LYST: variants seen among roughly 807,000 people sequenced by gnomAD.
LYST encodes lysosomal trafficking regulator.
Under a neutral mutation model 413.6 loss-of-function variants are expected in LYST, and 192 were observed. The observed-to-expected ratio is 0.46, with a 90% CI of 0.41 to 0.52. The LOEUF is 0.52. Ranked by LOEUF, LYST falls within the 20% of genes least tolerant of loss-of-function variation. LYST has a pLI of 0.00. For synonymous variants in LYST, 1,525 were observed against 1,567.3 expected, an observed-to-expected ratio of 0.97 and a Z score of 0.64; for missense variants, 3,815 against 4,499.9, an observed-to-expected ratio of 0.85 and a Z score of 4.35.
intron 38 of LYST, among the ~76,000 whole-genome samples, chr1:235,724,633 T>C (rs1663687312): frequency 6.9e-6 from 1 of 144,228 alleles, no homozygotes; most frequent in Non-Finnish European, 1.5e-5. Flanking sequence ...ATCCACCAAA[T>C]AGTTTTATTG....
intron 25 of LYST, among the ~76,000 whole-genome samples, chr1:235,754,229 C>CTTTTTTTTTTTTTTTTTTTT (rs71576486): frequency 2.3e-5 from 2 of 86,550 alleles, no homozygotes; most frequent in Non-Finnish European, 5.2e-5. Flanking sequence ...CTTTTCTTTT[C>CTTTTTTTTTTTTTTTTTTTT]TTTTTTTTTT....
At chr1:235,677,282 G>A (rs1659454579) in intron 49 of LYST, 94 bp from the exon 50 acceptor site, 1 of 1,109,368 alleles carries the variant, frequency 9.0e-7, no homozygotes. Context: ...TGTACCTATT[G>A]TACATAAGGC....
chr1:235,816,125 T>G (rs1572355401), intron 3 of LYST, among the ~76,000 whole-genome samples: 3 of 28,114 alleles, frequency 1.1e-4, no homozygotes, highest in African/African-American at 1.4e-4. Flanking sequence ...TGAGACTCCA[T>G]CTCAAAAAAA....
chr1:235,759,672 T>C (rs1458300219), intron 22 of LYST, 73 bp from the exon 23 acceptor site: 3 of 1,152,938 alleles, frequency 2.6e-6, no homozygotes, highest in Non-Finnish European at 3.9e-6. Context: ...GCATTATAAA[T>C]CACAACCACA....
At chr1:235,736,407 T>C (rs1422693714) in intron 31 of LYST, 1 of 152,038 alleles carries the variant, frequency 6.6e-6, no homozygotes, top group Admixed American at 6.5e-5. Flanking sequence ...AATGAATGGA[T>C]AGAATGAGGA....
rs747082361 is a variant in LYST, at chr1:235,809,684, T to C, written c.1134A>G (p.Gln378=). ...EKQPDPFAPR[Q]KKTLQEVQED... ...CCTGAACCTCCTGCAGTGTTTTCTT[T>C]TGTCTTGGTGCAAAAGGGTCAGGCT... Residue 378 remains glutamine, a synonymous_variant, in exon 5 of 53, where the codon CAA becomes CAG. Transcript: ENST00000389793. This position sits in a 1 kb window ranked among gnomAD's most constrained non-coding sequence, Gnocchi z 4.0. 4 of 1,613,794 alleles carry C rather than the reference T, an allele frequency of 2.5e-6. No homozygotes were observed. The Admixed American group carries it at 5.0e-5, about 20-fold the overall frequency.
At chr1:235,868,023 C>T (rs951750501), upstream of LYST, among the ~76,000 whole-genome samples, 4 of 152,164 alleles carry the variant, frequency 2.6e-5, no homozygotes, top group African/African-American at 9.7e-5. Context: ...CGTTAAGTTG[C>T]CCACTGATGT....
At chr1:235,726,500 TG>T (rs1056905671) in intron 38 of LYST, among the ~76,000 whole-genome samples, 21 of 150,474 alleles carry the variant, frequency 1.4e-4, no homozygotes, top group Admixed American at 1.1e-3. Flanking sequence ...GAAATACATC[TG>T]TATGGGTCAA....
intron 13 of LYST, among the ~76,000 whole-genome samples, chr1:235,788,236 T>A (rs985751977): frequency 6.6e-6 from 1 of 152,208 alleles, no homozygotes; most frequent in African/African-American, 2.4e-5. Flanking sequence ...CTGGGATCAC[T>A]ACAACCTCTG....
At chr1:235,724,932 C>T (rs1663718286) in intron 38 of LYST, among the ~76,000 whole-genome samples, 1 of 152,214 alleles carries the variant, frequency 6.6e-6, no homozygotes, top group Admixed American at 6.5e-5. Flanking sequence ...TCTGGTTGCT[C>T]TGTTGTATGT....
At chr1:235,666,640 C>T (rs1353844808) in intron 50 of LYST, among the ~76,000 whole-genome samples, 1 of 113,004 alleles carries the variant, frequency 8.8e-6, no homozygotes, top group Admixed American at 8.5e-5. Context: ...ACACACATGC[C>T]CAATGTTCTA....
chr1:235,738,021 C>A (rs781105378), intron 31 of LYST: 18 of 1,535,246 alleles, frequency 1.2e-5, no homozygotes, highest in Non-Finnish European at 1.6e-5. Context: ...CAAGGATCAG[C>A]TTATTCACAG....
At chr1:235,815,761 A>G (rs577607440) in intron 3 of LYST, among the ~76,000 whole-genome samples, 1 of 152,350 alleles carries the variant, frequency 6.6e-6, no homozygotes, top group South Asian at 2.1e-4. Flanking sequence ...GAGAATTACA[A>G]AACATTGCTG....
At position 235,787,308 on chromosome 1, in the gene LYST, T is replaced by C. The variant is rs1294381222; in HGVS notation, c.4754A>G (p.Asn1585Ser). 3.7e-6 allele frequency: 6 copies of C among 1,613,590 alleles called. No homozygotes were observed. The highest frequency in any genetic ancestry group is 1.7e-5 in the Admixed American group (1 of 59,986). ...VLLAQVESQE[N>S]IFLPSKWQHL... ...TTGCCATTTGCTTGGGAGGAAAATA[T>C]TCTCCTGTGATTCAACCTGTGCTAG... Residue 1585 changes from asparagine (N) to serine (S), a missense_variant, in exon 14 of 53, where the codon AAT (asparagine) becomes AGT (serine). Around this residue, in one of 4 missense-constraint regions of LYST, gnomAD observed 530 missense variants for 696.5 expected, o/e 0.76. Transcript: ENST00000389793.
chr1:235,754,713 A>G (rs1253136865), intron 25 of LYST, among the ~76,000 whole-genome samples: 1 of 152,192 alleles, frequency 6.6e-6, no homozygotes, highest in African/African-American at 2.4e-5. Context: ...AATTACTTTT[A>G]GCAGATTTTT....
At chr1:235,738,400 T>C in intron 31 of LYST, 1 of 1,613,582 alleles carries the variant, frequency 6.2e-7, no homozygotes, top group African/African-American at 1.3e-5. Flanking sequence ...GCAAGTTGCT[T>C]ATTGTTTCAA....
At chr1:235,737,916 A>AATAGCCAG in intron 31 of LYST, 13 of 1,163,404 alleles carry the variant, frequency 1.1e-5, no homozygotes, top group Admixed American at 8.8e-5. Flanking sequence ...GCTGCCGACG[A>AATAGCCAG]GTCTGGATCT....
intron 1 of LYST, among the ~76,000 whole-genome samples, chr1:235,844,280 A>G (rs150064168): frequency 0.023 from 3,506 of 152,288 alleles, 142 homozygotes; most frequent in African/African-American, 0.08. Context: ...AAAAGATAAC[A>G]CCATTTATAT....
chr1:235,747,994 G>A (rs1405270753), intron 28 of LYST, among the ~76,000 whole-genome samples: 1 of 152,068 alleles, frequency 6.6e-6, no homozygotes, highest in African/African-American at 2.4e-5. Context: ...ATAGCAACTG[G>A]TACATGGTTG....
Sources: allele counts gnomAD v4.1 joint callset (sites outside exome capture counted in the v4.1 genomes callset), GRCh38; gene constraint gnomAD v4.1.1; regional missense constraint gnomAD v4.1.1; non-coding constraint Gnocchi (gnomAD v3.1); transcripts MANE v1.5; gene names NCBI Gene and HGNC (gene_info 2026-07-23, HGNC 2026-07-21).